Variants in CADM2 observed in about 807,000 individuals in gnomAD.
CADM2 encodes immunoglobulin superfamily member 4D.
CADM2 carries 12 observed loss-of-function variants against 49.8 expected under a neutral mutation model. The observed-to-expected ratio is 0.24, with a 90% CI of 0.15 to 0.39. The LOEUF is 0.39. Among genes scored for constraint, CADM2 ranks in the 10% least tolerant of loss-of-function variants. The pLI, the probability that CADM2 is intolerant of heterozygous loss-of-function variation, is 1.00. For missense variants in CADM2, 378 were observed against 492.3 expected (o/e 0.77, Z 2.20); for synonymous variants, 214 against 175.4 (o/e 1.22, Z -1.74).
chr3:85,114,936 T>A (rs2038589921), intron 1 of CADM2, among the ~76,000 whole-genome samples: 1 of 152,164 alleles, frequency 6.6e-6, no homozygotes, highest in Non-Finnish European at 1.5e-5. Context: ...TAAAGAGTAT[T>A]CATATAATGG....
intron 1 of CADM2, among the ~76,000 whole-genome samples, chr3:85,552,051 A>G (rs898684849): frequency 1.3e-5 from 2 of 152,152 alleles, no homozygotes; most frequent in Non-Finnish European, 2.9e-5. Context: ...AATATAATCA[A>G]TATTCTAACA....
rs1395433174 is a variant in CADM2, at chr3:85,251,910, A to G, written c.61+292242A>G. On this transcript the variant is annotated intron_variant, in intron 1 of 9. Transcript: ENST00000383699. ...CTCTAAATGTAGAGTTGGAAGGATT[A>G]TCTGGTCAACATGAATGGCATTTTC... Among the ~76,000 whole-genome samples, 4 of 151,988 alleles carry G rather than the reference A, an allele frequency of 2.6e-5. No homozygotes were observed. In the East Asian group the frequency reaches 7.7e-4, roughly 29 times the overall value.
chr3:85,790,945 G>T (rs1387868723), intron 2 of CADM2, among the ~76,000 whole-genome samples: 1 of 152,162 alleles, frequency 6.6e-6, no homozygotes, highest in East Asian at 1.9e-4. Context: ...GATACCAGGT[G>T]TTGTACTCTA....
intron 1 of CADM2, among the ~76,000 whole-genome samples, chr3:85,380,510 A>G (rs2033842761): frequency 6.6e-6 from 1 of 151,978 alleles, no homozygotes; most frequent in Non-Finnish European, 1.5e-5. Context: ...TTTAATTATT[A>G]AGAATGTTAA....
chr3:85,389,198 C>T (rs964430244), intron 1 of CADM2, among the ~76,000 whole-genome samples: 1 of 151,986 alleles, frequency 6.6e-6, no homozygotes, highest in Non-Finnish European at 1.5e-5. Context: ...TCTAGAAGGC[C>T]CACTTTGCAC....
intron 1 of CADM2, among the ~76,000 whole-genome samples, chr3:85,679,377 G>A (rs1248389388): frequency 6.6e-6 from 1 of 152,152 alleles, no homozygotes; most frequent in African/African-American, 2.4e-5. Flanking sequence ...GAACTGGGGT[G>A]TGTGGATGAG....
intron 1 of CADM2, among the ~76,000 whole-genome samples, chr3:85,568,449 TTCTTTCTTTCTTTCTCTTTCTCTC>T (rs1559915898): frequency 9.4e-3 from 261 of 27,664 alleles, no homozygotes; most frequent in Non-Finnish European, 0.014. Context: ...CTTTCTTTCT[TTCTTTCTTTCTTTCTCTTTCTCTC>T]TCTTTCTTTC....
chr3:85,928,953 T>G (rs1204643212), intron 6 of CADM2, among the ~76,000 whole-genome samples: 1 of 152,102 alleles, frequency 6.6e-6, no homozygotes, highest in Non-Finnish European at 1.5e-5. Context: ...AATACAACGT[T>G]GAAAGGACCA....
chr3:85,047,348 A>G (rs921816738), intron 1 of CADM2, among the ~76,000 whole-genome samples: 1 of 152,140 alleles, frequency 6.6e-6, no homozygotes, highest in African/African-American at 2.4e-5. Flanking sequence ...GGTAGGTTCT[A>G]CAATTATGCT....
chr3:86,023,657 C>T (rs905468616), intron 8 of CADM2, among the ~76,000 whole-genome samples: 1 of 152,126 alleles, frequency 6.6e-6, no homozygotes, highest in South Asian at 2.1e-4. Context: ...CACACCCAGC[C>T]TAGCTCTTTT....
At chr3:84,966,296 A>T (rs190981728) in intron 1 of CADM2, among the ~76,000 whole-genome samples, 197 of 152,230 alleles carry the variant, frequency 1.3e-3, no homozygotes, top group Non-Finnish European at 2.3e-3. Flanking sequence ...ATATATATGC[A>T]CATATATACA....
At chr3:84,988,417 T>A (rs1191591541) in intron 1 of CADM2, among the ~76,000 whole-genome samples, 1 of 152,240 alleles carries the variant, frequency 6.6e-6, no homozygotes, top group Admixed American at 6.5e-5. Context: ...GTGTTTATAG[T>A]CTCATTGAGT....
intron 1 of CADM2, among the ~76,000 whole-genome samples, chr3:85,056,601 G>A (rs1257029806): frequency 6.6e-6 from 1 of 152,054 alleles, no homozygotes; most frequent in Admixed American, 6.5e-5. Flanking sequence ...AATTTGCAAA[G>A]CATTGTTTGG....
At chr3:85,616,339 C>T (rs962068208) in intron 1 of CADM2, among the ~76,000 whole-genome samples, 1 of 152,024 alleles carries the variant, frequency 6.6e-6, no homozygotes, top group African/African-American at 2.4e-5. Flanking sequence ...ATAGAATTTA[C>T]ATACATATAA....
At chr3:84,999,276 ACT>A (rs1356475694) in intron 1 of CADM2, among the ~76,000 whole-genome samples, 4 of 151,990 alleles carry the variant, frequency 2.6e-5, no homozygotes, top group Non-Finnish European at 4.4e-5. Context: ...TCTGTAAACC[ACT>A]CTGGTCATAA....
In CADM2 at chr3:85,656,896, T is replaced by C. The variant is rs188348936; in HGVS notation, c.62-69626T>C. On this transcript the variant is annotated intron_variant, in intron 1 of 9. Coordinates refer to ENST00000383699, the MANE Select transcript of CADM2 (RefSeq NM_001167675.2). ...ACTGAGCACATAAGAATTAGAGATA[T>C]AGAACATGATATCAGTCTACCCAGT... 5.5e-4 allele frequency among the ~76,000 whole-genome samples: 84 copies of C among 152,276 alleles called. No individual in the cohort carries two copies. In the Middle Eastern group the frequency reaches 0.014, roughly 25 times the overall value.
At chr3:85,400,959 T>C (rs2035076728) in intron 1 of CADM2, among the ~76,000 whole-genome samples, 1 of 152,212 alleles carries the variant, frequency 6.6e-6, no homozygotes, top group African/African-American at 2.4e-5. Flanking sequence ...TAAAGAATCC[T>C]GACCAAAATC....
intron 1 of CADM2, among the ~76,000 whole-genome samples, chr3:85,600,052 A>G (rs1268124970): frequency 6.6e-6 from 1 of 152,044 alleles, no homozygotes; most frequent in African/African-American, 2.4e-5. Flanking sequence ...GAAATATTTA[A>G]GTTTTGGTGC....
rs571826020 is a variant in CADM2, at chr3:85,988,266, A to C, written c.970+26619A>C. On this transcript the variant is annotated intron_variant, in intron 8 of 9. Coordinates refer to ENST00000383699, the MANE Select transcript of CADM2 (RefSeq NM_001167675.2). The stretch of plus-strand genomic sequence containing the variant: ...TTTCTTATTTCTCTAGACTTCAAAT[A>C]ATCCCCCATTAGTTTTCTATACTCA... Among the ~76,000 whole-genome samples the C allele has an allele frequency of 2.0e-5, 3 of 152,320 alleles. No individual in the cohort carries two copies. The East Asian group carries it at 5.8e-4, about 29-fold the overall frequency.
Sources: allele counts gnomAD v4.1 joint callset (sites outside exome capture counted in the v4.1 genomes callset), GRCh38; gene constraint gnomAD v4.1.1; transcripts MANE v1.5; gene names NCBI Gene and HGNC (gene_info 2026-07-23, HGNC 2026-07-21).